PPP3R1: variants seen among roughly 807,000 people sequenced by gnomAD.
PPP3R1 encodes calcineurin subunit B type 1.
Under a neutral mutation model 22.6 loss-of-function variants are expected in PPP3R1, and 5 were observed. That is an observed-to-expected ratio of 0.22 (90% CI 0.12 to 0.46). The LOEUF (loss-of-function observed/expected upper bound fraction) is 0.46, where lower values mean the gene tolerates loss of function less well. PPP3R1 is among the 20% of genes least tolerant of loss of function. PPP3R1 has a pLI of 0.99. For synonymous variants in PPP3R1, 56 were observed against 65.2 expected (o/e 0.86, Z 0.68); for missense variants, 61 against 203.2 (o/e 0.30, Z 4.25).
At chr2:68,205,569 T>G (rs1018132084) in intron 2 of PPP3R1, among the ~76,000 whole-genome samples, 3 of 152,120 alleles carry the variant, frequency 2.0e-5, no homozygotes, top group African/African-American at 7.2e-5. Flanking sequence ...TAAAAACTCT[T>G]TAACACATCA....
At chr2:68,194,112 G>C (rs1674720853) in intron 2 of PPP3R1, among the ~76,000 whole-genome samples, 1 of 152,022 alleles carries the variant, frequency 6.6e-6, no homozygotes, top group Non-Finnish European at 1.5e-5. Context: ...ATATTCAATT[G>C]ACATTATATT....
intron 1 of PPP3R1, among the ~76,000 whole-genome samples, chr2:68,245,253 T>C (rs542708778): frequency 1.1e-4 from 16 of 152,162 alleles, no homozygotes; most frequent in Admixed American, 1.0e-3. Flanking sequence ...TCTCAGCTAC[T>C]TGGGAGGCTG....
chr2:68,219,371 T>C (rs1179001903), intron 1 of PPP3R1, among the ~76,000 whole-genome samples: 1 of 152,222 alleles, frequency 6.6e-6, no homozygotes, highest in Admixed American at 6.5e-5. Flanking sequence ...ACGTTCAGTC[T>C]TCCTCATGCT....
chr2:68,183,404 C>T (rs1674463029), intron 5 of PPP3R1, among the ~76,000 whole-genome samples: 1 of 152,176 alleles, frequency 6.6e-6, no homozygotes, highest in South Asian at 2.1e-4. Flanking sequence ...CCCACTGTCT[C>T]AAAATTTCAT....
intron 5 of PPP3R1, among the ~76,000 whole-genome samples, chr2:68,182,073 C>T (rs1471526618): frequency 8.1e-5 from 3 of 37,210 alleles, no homozygotes; most frequent in South Asian, 2.8e-3. Context: ...CTCCTCCAAC[C>T]CCCCCCTCCC....
At chr2:68,237,270 T>TAAA (rs942629557) in intron 1 of PPP3R1, among the ~76,000 whole-genome samples, 7 of 152,178 alleles carry the variant, frequency 4.6e-5, no homozygotes, top group Non-Finnish European at 7.4e-5. Context: ...TTAAAAAATG[T>TAAA]AAAAAGCATT....
At chr2:68,217,562 TAAAAAC>T (rs1669603302) in intron 1 of PPP3R1, among the ~76,000 whole-genome samples, 1 of 152,000 alleles carries the variant, frequency 6.6e-6, no homozygotes, top group Non-Finnish European at 1.5e-5. Context: ...AATGAGCTGT[TAAAAAC>T]AAAAAAACAG....
intron 1 of PPP3R1, among the ~76,000 whole-genome samples, chr2:68,246,969 G>GC (rs1670248333): frequency 7.9e-6 from 1 of 126,594 alleles, no homozygotes; most frequent in Admixed American, 8.2e-5. Context: ...CCCACCTCCC[G>GC]CCCCCCAAAA....
At chr2:68,196,452 G>C (rs758861663) in intron 2 of PPP3R1, among the ~76,000 whole-genome samples, 6 of 152,128 alleles carry the variant, frequency 3.9e-5, no homozygotes, top group Non-Finnish European at 7.4e-5. Flanking sequence ...ACAAAGCAAA[G>C]AGAGCACCCT....
intron 2 of PPP3R1, among the ~76,000 whole-genome samples, chr2:68,192,221 C>T (rs970312927): frequency 4.6e-5 from 7 of 152,064 alleles, no homozygotes; most frequent in African/African-American, 1.4e-4. Flanking sequence ...TACACATATA[C>T]CAAGGATTAG....
At chr2:68,203,538 T>C (rs1049612852) in intron 2 of PPP3R1, among the ~76,000 whole-genome samples, 4 of 151,866 alleles carry the variant, frequency 2.6e-5, no homozygotes, top group Non-Finnish European at 4.4e-5. Flanking sequence ...GAGGCAGAGG[T>C]TGCAGTGTGC....
chr2:68,252,323 C>T lies in PPP3R1; in HGVS notation c.-196G>A, dbSNP rs1278832107. On this transcript the variant is annotated 5_prime_UTR_variant, in exon 1 of 6. Transcript: ENST00000234310. The stretch of plus-strand genomic sequence containing the variant: ...GCGATTGGGCACGCGAGGGAGCGGG[C>T]AGGGTAGGGGGAAATAAATTAAGGT... 2 of 1,018,614 alleles carry T rather than the reference C, an allele frequency of 2.0e-6. No individual in the cohort carries two copies. Among genetic ancestry groups the T allele is most frequent in the East Asian group, 2.0e-4 (2 of 9,990 alleles). 63.1% of individuals were successfully genotyped at this position (1,018,614 alleles called of 1,614,324 possible).
chr2:68,211,521 G>C (rs1669487457), intron 2 of PPP3R1, among the ~76,000 whole-genome samples: 1 of 152,064 alleles, frequency 6.6e-6, no homozygotes, highest in African/African-American at 2.4e-5. Flanking sequence ...GATGGCCACG[G>C]ACTGATCGGG....
chr2:68,228,634 T>A (rs978282511), intron 1 of PPP3R1, among the ~76,000 whole-genome samples: 1 of 152,088 alleles, frequency 6.6e-6, no homozygotes, highest in Non-Finnish European at 1.5e-5. Context: ...CTCTATTGTT[T>A]CTGTTTTTTA....
chr2:68,180,833 T>A lies in PPP3R1; in HGVS notation c.*130A>T. On this transcript the variant is annotated 3_prime_UTR_variant, in exon 6 of 6. Transcript: ENST00000234310. ...CTTAGTTGGCTTCATGAGGCTCATGTTGGAAAATGTGGCTTCACAGAGAAA... is the reference window on the plus strand; with the variant it reads ...CTTAGTTGGCTTCATGAGGCTCATGATGGAAAATGTGGCTTCACAGAGAAA... 2.2e-6 allele frequency: 2 copies of A among 914,058 alleles called. No individual in the cohort carries two copies. The highest frequency in any genetic ancestry group is 3.4e-6 in the Non-Finnish European group (2 of 593,106). 56.6% of individuals were successfully genotyped at this position (914,058 alleles called of 1,614,324 possible).
chr2:68,215,974 CAATT>C (rs1669572012), intron 2 of PPP3R1, among the ~76,000 whole-genome samples: 1 of 152,052 alleles, frequency 6.6e-6, no homozygotes, highest in Admixed American at 6.6e-5. Context: ...TTTTATATAT[CAATT>C]AGTTGTTTTT....
chr2:68,243,540 T>C (rs1317817800), intron 1 of PPP3R1, among the ~76,000 whole-genome samples: 2 of 152,178 alleles, frequency 1.3e-5, no homozygotes, highest in African/African-American at 2.4e-5. Context: ...ATTTTCTCTT[T>C]TAATAATTTG....
chr2:68,189,696 C>T (rs1195728038), intron 2 of PPP3R1, among the ~76,000 whole-genome samples: 1 of 151,978 alleles, frequency 6.6e-6, no homozygotes, highest in African/African-American at 2.4e-5. Context: ...GGTAAAAACC[C>T]CACTTCTACT....
At chr2:68,194,553 A>G (rs1328699673) in intron 2 of PPP3R1, among the ~76,000 whole-genome samples, 1 of 152,136 alleles carries the variant, frequency 6.6e-6, no homozygotes, top group Non-Finnish European at 1.5e-5. Context: ...TCTCCCTTAT[A>G]TATTTCTCTC....
Sources: gnomAD v4.1 joint callset for allele counts (sites outside exome capture counted in the v4.1 genomes callset) on GRCh38, gnomAD v4.1.1 for gene constraint, MANE v1.5 for transcripts, NCBI Gene and HGNC (gene_info 2026-07-23, HGNC 2026-07-21) for gene names.